NKAIN2: variants seen among roughly 807,000 people sequenced by gnomAD.
NKAIN2 encodes the protein sodium/potassium transporting ATPase interacting 2, also known as sodium/potassium-transporting ATPase subunit beta-1-interacting protein 2.
Under a neutral mutation model 32.6 loss-of-function variants are expected in NKAIN2, and 14 were observed. The observed-to-expected ratio is 0.43, with a 90% CI of 0.28 to 0.67. The LOEUF (loss-of-function observed/expected upper bound fraction) is 0.67. Ranked by LOEUF, NKAIN2 falls within the 30% of genes least tolerant of loss-of-function variation. The pLI is 0.17. For synonymous variants in NKAIN2, 80 were observed against 87.2 expected, an observed-to-expected ratio of 0.92 and a Z score of 0.46; for missense variants, 198 against 258.3, an observed-to-expected ratio of 0.77 and a Z score of 1.60.
At chr6:123,828,161 C>T (rs1290481304) in intron 1 of NKAIN2, among the ~76,000 whole-genome samples, 2 of 152,126 alleles carry the variant, frequency 1.3e-5, no homozygotes, top group Admixed American at 6.6e-5. Flanking sequence ...TCTGCACTCA[C>T]ATAGTCCTTA....
chr6:123,833,127 G>A (rs1774454699), intron 1 of NKAIN2, among the ~76,000 whole-genome samples: 1 of 152,138 alleles, frequency 6.6e-6, no homozygotes, highest in African/African-American at 2.4e-5. Context: ...TTTGTGAAAG[G>A]TGTAAGGTTT....
intron 1 of NKAIN2, among the ~76,000 whole-genome samples, chr6:124,220,440 A>C (rs1791752968): frequency 7.3e-6 from 1 of 136,442 alleles, no homozygotes; most frequent in Admixed American, 7.8e-5. Flanking sequence ...TTATTGATGT[A>C]TGCACTCTCC....
intron 3 of NKAIN2, among the ~76,000 whole-genome samples, chr6:124,451,014 C>T: frequency 6.6e-6 from 1 of 152,000 alleles, no homozygotes; most frequent in East Asian, 1.9e-4. Flanking sequence ...ATGACTAAAA[C>T]ATGCATCAAT....
intron 1 of NKAIN2, among the ~76,000 whole-genome samples, chr6:124,178,974 G>A (rs1404765311): frequency 6.6e-6 from 1 of 152,216 alleles, no homozygotes; most frequent in African/African-American, 2.4e-5. Flanking sequence ...TGTTTCAGAT[G>A]TTGGTCATGG....
At chr6:123,826,361 A>G (rs999909485) in intron 1 of NKAIN2, among the ~76,000 whole-genome samples, 1 of 152,206 alleles carries the variant, frequency 6.6e-6, no homozygotes, top group African/African-American at 2.4e-5. Flanking sequence ...GTTGTAAATC[A>G]TACATAACAA....
intron 1 of NKAIN2, among the ~76,000 whole-genome samples, chr6:124,034,223 A>G (rs1781517413): frequency 6.6e-6 from 1 of 152,042 alleles, no homozygotes; most frequent in Non-Finnish European, 1.5e-5. Context: ...TATTGAATTC[A>G]TCACTGGGTA....
At chr6:124,435,373 A>G (rs1775397026) in intron 3 of NKAIN2, among the ~76,000 whole-genome samples, 1 of 152,122 alleles carries the variant, frequency 6.6e-6, no homozygotes, top group Admixed American at 6.6e-5. Context: ...AAAAAACAAG[A>G]AAGGAAAATT....
At chr6:124,795,758 G>A (rs1582537067) in intron 5 of NKAIN2, among the ~76,000 whole-genome samples, 1 of 152,142 alleles carries the variant, frequency 6.6e-6, no homozygotes, top group East Asian at 1.9e-4. Context: ...TGGAAAAGAG[G>A]CAAGGCAGCC....
chr6:124,817,844 T>G (rs1463205210), intron 5 of NKAIN2, among the ~76,000 whole-genome samples: 2 of 152,206 alleles, frequency 1.3e-5, no homozygotes, highest in Non-Finnish European at 2.9e-5. Context: ...CCTCTGATTG[T>G]TTAAGATGGT....
intron 1 of NKAIN2, among the ~76,000 whole-genome samples, chr6:124,095,942 C>A (rs938305761): frequency 1.3e-5 from 2 of 152,048 alleles, no homozygotes; most frequent in Non-Finnish European, 2.9e-5. Flanking sequence ...TATCCCTGGG[C>A]CCAGAGATCT....
intron 4 of NKAIN2, among the ~76,000 whole-genome samples, chr6:124,771,624 T>C (rs1778760471): frequency 6.6e-6 from 1 of 152,226 alleles, no homozygotes; most frequent in East Asian, 1.9e-4. Flanking sequence ...TTTTTATATG[T>C]AGATTATAGT....
intron 3 of NKAIN2, among the ~76,000 whole-genome samples, chr6:124,360,073 G>A (rs953249720): frequency 3.9e-5 from 6 of 152,156 alleles, no homozygotes; most frequent in East Asian, 1.9e-4. Flanking sequence ...GCTGGATTAC[G>A]TATATTGATT....
At chr6:124,056,845 G>A (rs1240815063) in intron 1 of NKAIN2, among the ~76,000 whole-genome samples, 1 of 152,012 alleles carries the variant, frequency 6.6e-6, no homozygotes, top group Non-Finnish European at 1.5e-5. Context: ...TGATGAGGTG[G>A]ACACAAGTAA....
chr6:124,207,667 A>G (rs1388796283), intron 1 of NKAIN2, among the ~76,000 whole-genome samples: 1 of 151,876 alleles, frequency 6.6e-6, no homozygotes, highest in Non-Finnish European at 1.5e-5. Context: ...CTTTAAAAAT[A>G]CTGATTTTTT....
chr6:124,521,166 T>G (rs904084901), intron 3 of NKAIN2, among the ~76,000 whole-genome samples: 6 of 152,134 alleles, frequency 3.9e-5, no homozygotes, highest in African/African-American at 1.4e-4. Context: ...TAGTACAATG[T>G]CAAGCAGGAG....
chr6:124,279,413 A>G (rs7747765), intron 1 of NKAIN2, among the ~76,000 whole-genome samples: 28,887 of 151,014 alleles, frequency 0.19, 3,032 homozygotes, highest in East Asian at 0.26. Context: ...AGGCTGAGGC[A>G]GGAGAATGGC....
At chr6:124,168,845 A>C (rs2114489525) in intron 1 of NKAIN2, among the ~76,000 whole-genome samples, 1 of 152,238 alleles carries the variant, frequency 6.6e-6, no homozygotes, top group East Asian at 1.9e-4. Flanking sequence ...ATGATACTTC[A>C]GAGTACTATT....
At chr6:124,533,811 A>G (rs1371074177) in intron 3 of NKAIN2, among the ~76,000 whole-genome samples, 2 of 152,288 alleles carry the variant, frequency 1.3e-5, no homozygotes, top group East Asian at 3.9e-4. Flanking sequence ...TGAGAAGTCC[A>G]ACATGAAAGT....
intron 3 of NKAIN2, among the ~76,000 whole-genome samples, chr6:124,495,728 G>A (rs1295164403): frequency 6.6e-6 from 1 of 152,064 alleles, no homozygotes; most frequent in African/African-American, 2.4e-5. Context: ...CAGAGTAATT[G>A]TCACATTCTA....
Sources: gnomAD v4.1 joint callset for allele counts (sites outside exome capture counted in the v4.1 genomes callset) on GRCh38, gnomAD v4.1.1 for gene constraint, MANE v1.5 for transcripts, NCBI Gene and HGNC (gene_info 2026-07-23, HGNC 2026-07-21) for gene names.